WFDC5: variants seen among roughly 807,000 people sequenced by gnomAD.
The protein encoded by WFDC5 is WAP four-disulfide core domain protein 5.
In WFDC5, 15 loss-of-function variants were observed where a neutral mutation model predicts 15.7. That is an observed-to-expected ratio of 0.96 (90% CI 0.64 to 1.47). The LOEUF is 1.47. Among genes scored for constraint, WFDC5 ranks in the 40% most tolerant of loss-of-function variants. The pLI, the probability that WFDC5 is intolerant of heterozygous loss-of-function variation, is 0.00. For missense variants in WFDC5, 280 were observed against 258.0 expected (o/e 1.09, Z -0.59); for synonymous variants, 109 against 107.7 (o/e 1.01, Z -0.07).
upstream of WFDC5, among the ~76,000 whole-genome samples, chr20:45,116,201 G>A (rs1981756008): frequency 6.6e-6 from 1 of 152,198 alleles, no homozygotes; most frequent in Non-Finnish European, 1.5e-5. Context: ...AGCCCTGGCA[G>A]CAGGAAGTTC....
intron 1 of WFDC5, among the ~76,000 whole-genome samples, chr20:45,111,298 C>CCA (rs1006432876): frequency 6.8e-6 from 1 of 147,954 alleles, no homozygotes; most frequent in African/African-American, 2.5e-5. Flanking sequence ...ACCCCGGCCC[C>CCA]CACACACACA....
At chr20:45,111,646 G>C (rs968844642) in intron 1 of WFDC5, among the ~76,000 whole-genome samples, 1 of 152,204 alleles carries the variant, frequency 6.6e-6, no homozygotes, top group African/African-American at 2.4e-5. Context: ...GAATGGTATA[G>C]AGTGTCCTGT....
chr20:45,110,926 A>G (rs900899711), intron 1 of WFDC5, 151 bp from the exon 2 acceptor site: 3 of 1,132,578 alleles, frequency 2.6e-6, no homozygotes, highest in East Asian at 5.1e-5. Flanking sequence ...TTTGTTTATA[A>G]TGACTCCAAG....
chr20:45,110,695 G>A (rs267605947), exon 2 of WFDC5: 1 of 1,614,188 alleles, frequency 6.2e-7, no homozygotes, highest in Non-Finnish European at 8.5e-7. Flanking sequence ...CTGGTCAAGG[G>A]ACACTGGCTG....
At chr20:45,116,167 C>G (rs1981755027), upstream of WFDC5, among the ~76,000 whole-genome samples, 1 of 152,170 alleles carries the variant, frequency 6.6e-6, no homozygotes, top group African/African-American at 2.4e-5. Context: ...GGGCTTGTCT[C>G]ACTTACCCAT....
chr20:45,114,904 C>A, intron 1 of WFDC5, 95 bp downstream of exon 1: 2 of 1,355,502 alleles, frequency 1.5e-6, no homozygotes, highest in East Asian at 2.4e-5. Context: ...CACACACACC[C>A]CACAGGGCAT....
intron 2 of WFDC5, 24 bp from the exon 3 acceptor site, chr20:45,110,564 G>A (rs1392889986): frequency 1.2e-6 from 2 of 1,614,146 alleles, no homozygotes; most frequent in South Asian, 1.1e-5. Flanking sequence ...AACTGGGTGA[G>A]CTCCGTCCTT....
chr20:45,115,060 G>A, exon 1 of WFDC5: 2 of 1,613,420 alleles, frequency 1.2e-6, no homozygotes, highest in Non-Finnish European at 1.7e-6. Flanking sequence ...GGGCCCCCAG[G>A]AGGAGAAGGC....
At chr20:45,115,577 G>A (rs1044687441), upstream of WFDC5, among the ~76,000 whole-genome samples, 1 of 152,266 alleles carries the variant, frequency 6.6e-6, no homozygotes, top group Admixed American at 6.5e-5. Context: ...GCCAAAGAAG[G>A]CTGGCCCAGG....
At chr20:45,113,592 A>G (rs190400143) in intron 1 of WFDC5, among the ~76,000 whole-genome samples, 18 of 152,306 alleles carry the variant, frequency 1.2e-4, no homozygotes, top group Admixed American at 1.0e-3. Context: ...CTCCTGAGAG[A>G]GAGGCATGGG....
chr20:45,112,320 G>A (rs1473310732), intron 1 of WFDC5, among the ~76,000 whole-genome samples: 1 of 152,164 alleles, frequency 6.6e-6, no homozygotes, highest in African/African-American at 2.4e-5. Context: ...GGGTCAGGCA[G>A]GGAGAGCTTC....
intron 1 of WFDC5, among the ~76,000 whole-genome samples, chr20:45,113,571 G>C (rs1308041779): frequency 2.0e-5 from 3 of 152,180 alleles, no homozygotes; most frequent in Non-Finnish European, 4.4e-5. Flanking sequence ...TATTCCTCGA[G>C]ACACCATTTA....
chr20:45,110,085 C>T (rs1477788608), intron 3 of WFDC5, 72 bp from the exon 4 acceptor site: 1 of 1,562,672 alleles, frequency 6.4e-7, no homozygotes, highest in Non-Finnish European at 8.7e-7. Context: ...GGTCTCCCAT[C>T]CATGCCCCAC....
At chr20:45,109,979 A>C in exon 4 of WFDC5, 2 of 1,614,180 alleles carry the variant, frequency 1.2e-6, no homozygotes, top group Non-Finnish European at 1.7e-6. Context: ...TCCCCAGCTT[A>C]GGTGCAGAGC....
At chr20:45,112,106 G>T (rs1981636543) in intron 1 of WFDC5, among the ~76,000 whole-genome samples, 1 of 152,064 alleles carries the variant, frequency 6.6e-6, no homozygotes, top group South Asian at 2.1e-4. Flanking sequence ...TTAAATTGCT[G>T]CCCCCTGCTG....
chr20:45,115,139 G>T lies in WFDC5; in HGVS notation c.-56C>A. On this transcript the variant is annotated 5_prime_UTR_variant, in exon 1 of 4. In the 5' UTR this introduces an upstream ATG that the reference lacks. Coordinates refer to ENST00000307971, the Ensembl canonical transcript of WFDC5. ...CCCCAGATTAACACCTGCAGCCTCA[G>T]GGAAGCCAGAGAAACTTAGTCAGGA... The T allele has an allele frequency of 1.9e-6, 3 of 1,549,672 alleles. No homozygotes were observed. The highest frequency in any genetic ancestry group is 2.6e-6 in the Non-Finnish European group (3 of 1,137,774).
Position 45,114,982 on chromosome 20 carries a change from G to A in WFDC5, c.85+17C>T, listed in dbSNP as rs1981720650. 2 of 1,612,512 alleles carry A rather than the reference G, an allele frequency of 1.2e-6. No homozygotes were observed. The highest frequency in any genetic ancestry group is 2.7e-5 in the African/African-American group (2 of 74,882). On this transcript the variant is annotated intron_variant, in intron 1 of 3. Coordinates refer to ENST00000307971, the Ensembl canonical transcript of WFDC5. ...AGACAATCTGGTCCCCCCAGCAGAG[G>A]GATTTCCCGCACTCACCTCCCTTCT...
intron 1 of WFDC5, among the ~76,000 whole-genome samples, chr20:45,113,150 G>A (rs530435934): frequency 3.3e-5 from 5 of 152,306 alleles, no homozygotes; most frequent in East Asian, 1.9e-4. Context: ...GGCACTTGCT[G>A]TTTATCAGGG....
At chr20:45,110,529 T>C in exon 3 of WFDC5, 1 of 1,614,230 alleles carries the variant, frequency 6.2e-7, no homozygotes, top group Non-Finnish European at 8.5e-7. Context: ...TCTGGGCAGC[T>C]GCCCAGCTTC....
Sources: allele counts gnomAD v4.1 joint callset (sites outside exome capture counted in the v4.1 genomes callset), GRCh38; gene constraint gnomAD v4.1.1; transcripts MANE v1.5; gene names NCBI Gene and HGNC (gene_info 2026-07-23, HGNC 2026-07-21).